MYO5A: variants seen among roughly 807,000 people sequenced by gnomAD.
MYO5A encodes the protein unconventional myosin-Va.
MYO5A carries 98 observed loss-of-function variants against 249.7 expected under a neutral mutation model. The observed-to-expected ratio is 0.39, with a 90% CI of 0.33 to 0.46. The LOEUF is 0.46. MYO5A is among the 20% of genes least tolerant of loss of function. The pLI is 0.98. For missense variants in MYO5A, 1,696 were observed against 2,308.8 expected, an observed-to-expected ratio of 0.73 and a Z score of 5.44; for synonymous variants, 778 against 810.6, an observed-to-expected ratio of 0.96 and a Z score of 0.68.
At chr15:52,517,963 A>G (rs2077528811) in intron 1 of MYO5A, among the ~76,000 whole-genome samples, 1 of 151,990 alleles carries the variant, frequency 6.6e-6, no homozygotes, top group Admixed American at 6.6e-5. Flanking sequence ...TCACTTCTAC[A>G]AGCAGAAAAA....
At chr15:52,404,649 T>G (rs2042916581) in intron 9 of MYO5A, among the ~76,000 whole-genome samples, 1 of 152,164 alleles carries the variant, frequency 6.6e-6, no homozygotes, top group East Asian at 1.9e-4. Flanking sequence ...GGTGAGTGTG[T>G]ATCTAAGAAG....
intron 27 of MYO5A, among the ~76,000 whole-genome samples, chr15:52,352,144 A>G (rs1190820376): frequency 1.3e-5 from 2 of 152,230 alleles, no homozygotes; most frequent in Non-Finnish European, 2.9e-5. Flanking sequence ...TCCTCCAGCC[A>G]TCCAGAAGGA....
chr15:52,460,769 A>G (rs1340170375), intron 1 of MYO5A, among the ~76,000 whole-genome samples: 2 of 152,190 alleles, frequency 1.3e-5, no homozygotes. Context: ...CCCCACCCCA[A>G]AACAAAGAAG....
intron 1 of MYO5A, among the ~76,000 whole-genome samples, chr15:52,504,359 G>A (rs1346878013): frequency 6.6e-6 from 1 of 152,092 alleles, no homozygotes; most frequent in African/African-American, 2.4e-5. Flanking sequence ...GGACTGAGGA[G>A]GTAGCCAGAA....
chr15:52,414,891 G>A (rs2043409062), intron 5 of MYO5A, among the ~76,000 whole-genome samples: 1 of 152,122 alleles, frequency 6.6e-6, no homozygotes, highest in Non-Finnish European at 1.5e-5. Flanking sequence ...CTCTTTCGGT[G>A]CAAACATCTG....
chr15:52,450,640 C>A (rs1291316028), intron 1 of MYO5A, among the ~76,000 whole-genome samples: 1 of 150,698 alleles, frequency 6.6e-6, no homozygotes, highest in Non-Finnish European at 1.5e-5. Context: ...TGTACTCCAG[C>A]CTGGATGACA....
intron 33 of MYO5A, 71 bp from the exon 34 acceptor site, chr15:52,336,627 GAC>G: frequency 1.8e-6 from 2 of 1,113,562 alleles, no homozygotes; most frequent in Admixed American, 4.0e-5. Context: ...AAGGAAAATA[GAC>G]ACAATATCAC....
chr15:52,526,335 C>T lies in MYO5A; in HGVS notation c.27+2445G>A, dbSNP rs117139117. The stretch of plus-strand genomic sequence containing the variant: ...GCCTCAGCTCTCGAGTAGCTGGGAC[C>T]GCAGGCGTGACTAACTCGCCCAGCT... On this transcript the variant is annotated intron_variant, in intron 1 of 41. Transcript: ENST00000399233. Among the ~76,000 whole-genome samples, 97 of 152,088 alleles carry T rather than the reference C, an allele frequency of 6.4e-4. No individual in the cohort carries two copies. The East Asian group carries it at 0.019, about 29-fold the overall frequency.
At chr15:52,505,679 T>C (rs982849155) in intron 1 of MYO5A, 5 of 1,248,458 alleles carry the variant, frequency 4.0e-6, no homozygotes, top group Non-Finnish European at 5.9e-6. Context: ...GTCAGAAGCA[T>C]TCAAGCAGAC....
At position 52,308,755 on chromosome 15, in the gene MYO5A, C is replaced by T. The variant is rs192969251; in HGVS notation, c.*4941G>A. ...AACAGGGCAAGATATCCCTTCCAGG[C>T]AAGATATCCTTTACAGAAGAAAAGT... On this transcript the variant is annotated 3_prime_UTR_variant, in exon 42 of 42. Transcript: ENST00000399233. The T allele has an allele frequency of 2.6e-5, 4 of 152,836 alleles. No individual in the cohort carries two copies. The highest frequency in any genetic ancestry group is 9.6e-5 in the African/African-American group (4 of 41,564). 9.5% of individuals were successfully genotyped at this position (152,836 alleles called of 1,614,324 possible).
At chr15:52,415,463 T>C (rs2043437267) in intron 5 of MYO5A, among the ~76,000 whole-genome samples, 1 of 152,224 alleles carries the variant, frequency 6.6e-6, no homozygotes, top group Non-Finnish European at 1.5e-5. Flanking sequence ...TTGTATATGG[T>C]GTATTCAAGT....
intron 4 of MYO5A, among the ~76,000 whole-genome samples, chr15:52,422,974 T>G (rs2075312428): frequency 6.6e-6 from 1 of 152,124 alleles, no homozygotes; most frequent in Non-Finnish European, 1.5e-5. Context: ...AATCCTGAAC[T>G]CCGAGGCTTA....
intron 24 of MYO5A, among the ~76,000 whole-genome samples, chr15:52,360,368 G>A (rs1023708031): frequency 1.3e-5 from 2 of 152,200 alleles, no homozygotes; most frequent in Non-Finnish European, 2.9e-5. Context: ...AGCTTTGAGC[G>A]GTCAGTCACA....
rs201632606 is a variant in MYO5A at position 52,449,433 on chromosome 15, A to G, written c.28-16148T>C. ...AACACCAGCTGGTTTCTCCATATCT[A>G]TCTCTACTCAAATTGCCCAGCAAGC... On this transcript the variant is annotated intron_variant, in intron 1 of 41. Transcript: ENST00000399233. Among the ~76,000 whole-genome samples the G allele has an allele frequency of 3.9e-5, 6 of 152,168 alleles. No individual in the cohort carries two copies. In the East Asian group the frequency reaches 1.2e-3, roughly 29 times the overall value.
Position 52,327,867 on chromosome 15 carries a change from G to T in MYO5A, c.4695C>A (p.Ile1565=). The T allele has an allele frequency of 6.2e-7, 1 of 1,613,718 alleles. No homozygotes were observed. The highest frequency in any genetic ancestry group is 8.5e-7 in the Non-Finnish European group (1 of 1,179,710). The change falls in exon 36 of 42, where the codon ATC becomes ATA. Residue 1565 remains isoleucine, a synonymous_variant. Transcript: ENST00000399233. The part of the protein sequence containing the change: ...RSLLTSTINS[I]KKVLKKRGDD... Reference sequence around the variant, plus strand: ...AGGAACTGACCTTCAATACTTTTTTGATGCTGTTAATTGTTGATGTTAGCA... The same window carrying T: ...AGGAACTGACCTTCAATACTTTTTTTATGCTGTTAATTGTTGATGTTAGCA...
At chr15:52,359,070 C>T (rs1159672932) in intron 25 of MYO5A, among the ~76,000 whole-genome samples, 1 of 152,160 alleles carries the variant, frequency 6.6e-6, no homozygotes, top group African/African-American at 2.4e-5. Flanking sequence ...ATTACTTAGC[C>T]TTCTTGTATG....
At chr15:52,491,074 T>A (rs2076926461) in intron 1 of MYO5A, among the ~76,000 whole-genome samples, 1 of 152,184 alleles carries the variant, frequency 6.6e-6, no homozygotes, top group Admixed American at 6.6e-5. Context: ...CACTTACACA[T>A]GGTTAAGATG....
intron 36 of MYO5A, among the ~76,000 whole-genome samples, chr15:52,325,921 T>C (rs1435652116): frequency 6.6e-6 from 1 of 152,160 alleles, no homozygotes; most frequent in East Asian, 1.9e-4. Context: ...CTGTATTTGA[T>C]CAAAATTAAT....
intron 16 of MYO5A, among the ~76,000 whole-genome samples, chr15:52,381,782 T>TCTCTCACACACA (rs11280608): frequency 5.1e-5 from 7 of 137,870 alleles, no homozygotes; most frequent in East Asian, 2.8e-4. Flanking sequence ...TCTCTCTCTC[T>TCTCTCACACACA]CACACACACA....
Sources: gnomAD v4.1 joint callset for allele counts (sites outside exome capture counted in the v4.1 genomes callset) on GRCh38, gnomAD v4.1.1 for gene constraint, MANE v1.5 for transcripts, NCBI Gene and HGNC (gene_info 2026-07-23, HGNC 2026-07-21) for gene names.